Variants in DNAH12 observed in about 807,000 individuals in gnomAD.
DNAH12 encodes the protein axonemal beta dynein heavy chain 12.
In DNAH12, 285 loss-of-function variants were observed where a neutral mutation model predicts 371.5. The observed-to-expected ratio is 0.77, with a 90% CI of 0.70 to 0.85. DNAH12 has a LOEUF of 0.85. Ranked by LOEUF, DNAH12 falls within the 40% of genes least tolerant of loss-of-function variation. The pLI is 0.00. For synonymous variants in DNAH12, 1,200 were observed against 1,213.0 expected (o/e 0.99, Z 0.22); for missense variants, 3,611 against 3,689.4 (o/e 0.98, Z 0.55).
At chr3:57,505,629 C>T (rs932762295) in intron 8 of DNAH12, among the ~76,000 whole-genome samples, 7 of 151,808 alleles carry the variant, frequency 4.6e-5, no homozygotes, top group Non-Finnish European at 8.8e-5. Context: ...TTAGTAGAGA[C>T]AGGGTTTCAC....
intron 58 of DNAH12, among the ~76,000 whole-genome samples, chr3:57,360,202 T>G (rs1401251502): frequency 1.3e-5 from 2 of 152,040 alleles, no homozygotes; most frequent in Non-Finnish European, 2.9e-5. Context: ...CTACAGAATA[T>G]CTCAGCCATG....
At chr3:57,303,554 G>C (rs2061408085) in intron 69 of DNAH12, among the ~76,000 whole-genome samples, 1 of 151,844 alleles carries the variant, frequency 6.6e-6, no homozygotes, top group African/African-American at 2.4e-5. Context: ...TGAGACTACA[G>C]GTGCCCGCTA....
At chr3:57,373,613 C>T (rs969796823) in intron 55 of DNAH12, among the ~76,000 whole-genome samples, 15 of 151,866 alleles carry the variant, frequency 9.9e-5, no homozygotes, top group Non-Finnish European at 1.5e-4. Flanking sequence ...CGTGAGCCAC[C>T]GTGCCCAGCC....
At chr3:57,519,169 G>C (rs1375683325) in intron 4 of DNAH12, among the ~76,000 whole-genome samples, 2 of 152,094 alleles carry the variant, frequency 1.3e-5, no homozygotes, top group Admixed American at 1.3e-4. Flanking sequence ...AACATCTTTC[G>C]CGTGCTTATT....
At chr3:57,545,772 C>T (rs993851936), upstream of DNAH12, among the ~76,000 whole-genome samples, 1 of 152,104 alleles carries the variant, frequency 6.6e-6, no homozygotes, top group African/African-American at 2.4e-5. Flanking sequence ...GACATGCCCA[C>T]GGCTCCACAG....
At chr3:57,512,097 A>G (rs1369779988) in intron 4 of DNAH12, among the ~76,000 whole-genome samples, 1 of 152,138 alleles carries the variant, frequency 6.6e-6, no homozygotes, top group Admixed American at 6.6e-5. Context: ...TTTGCATAAC[A>G]AAAACAATTT....
intron 4 of DNAH12, among the ~76,000 whole-genome samples, chr3:57,520,943 A>T (rs1442423224): frequency 1.3e-5 from 2 of 151,626 alleles, no homozygotes; most frequent in South Asian, 2.1e-4. Flanking sequence ...ACTGAGTTTT[A>T]AAAAATTTTC....
intron 11 of DNAH12, among the ~76,000 whole-genome samples, chr3:57,497,628 T>C (rs1003160544): frequency 1.3e-5 from 2 of 152,228 alleles, no homozygotes; most frequent in Non-Finnish European, 2.9e-5. Flanking sequence ...GCTACAACTA[T>C]AAAACTTCTA....
At chr3:57,536,919 C>T (rs888944285) in intron 2 of DNAH12, among the ~76,000 whole-genome samples, 8 of 68,964 alleles carry the variant, frequency 1.2e-4, no homozygotes, top group African/African-American at 1.7e-4. Context: ...TGTATATTAG[C>T]GATTATAAAC....
rs1189250482 is a variant in DNAH12, at chr3:57,369,228, AAT to A, written c.8760-970_8760-969del. Among the ~76,000 whole-genome samples the A allele has an allele frequency of 3.0e-3, 394 of 131,692 alleles. 1 individual carries two copies. The highest frequency in any genetic ancestry group is 0.017 in the East Asian group (58 of 3,426). 86.4% of individuals were successfully genotyped at this position (131,692 alleles called of 152,430 possible). A position where few individuals can be genotyped will look rare whatever the true frequency, so the allele number is the denominator to read the frequency against. On this transcript the variant is annotated intron_variant, in intron 55 of 73. Coordinates refer to ENST00000495027, the MANE Select transcript of DNAH12 (RefSeq NM_001366028.2). ...AAGATTGAAACTCCATTAAAAAAAA[AAT>A]ATATATATATATATATATAAAACTG...
intron 43 of DNAH12, among the ~76,000 whole-genome samples, chr3:57,398,087 G>C (rs2063782230): frequency 6.6e-6 from 1 of 152,074 alleles, no homozygotes; most frequent in Non-Finnish European, 1.5e-5. Context: ...AATTAACAAA[G>C]ATATAGAAAC....
intron 25 of DNAH12, among the ~76,000 whole-genome samples, chr3:57,449,183 T>C (rs2065652467): frequency 6.6e-6 from 1 of 151,290 alleles, no homozygotes; most frequent in Admixed American, 6.6e-5. Flanking sequence ...TCACAAACCT[T>C]GAGCTAAACA....
At chr3:57,338,183 T>G (rs1291536901) in intron 60 of DNAH12, among the ~76,000 whole-genome samples, 1 of 152,176 alleles carries the variant, frequency 6.6e-6, no homozygotes, top group African/African-American at 2.4e-5. Context: ...TGACTGGTTT[T>G]TGTATTTTTG....
chr3:57,422,930 A>T (rs1559642057), intron 35 of DNAH12, among the ~76,000 whole-genome samples: 1 of 152,234 alleles, frequency 6.6e-6, no homozygotes, highest in Non-Finnish European at 1.5e-5. Flanking sequence ...ATTACAATAG[A>T]GAAACGATGC....
chr3:57,538,317 A>G (rs2069137130), intron 2 of DNAH12, among the ~76,000 whole-genome samples: 1 of 64,718 alleles, frequency 1.5e-5, no homozygotes. Context: ...TAATCTCAGT[A>G]TTAATACAGC....
intron 65 of DNAH12, 78 bp downstream of exon 65, chr3:57,322,265 A>G (rs866808330): frequency 4.4e-6 from 6 of 1,364,138 alleles, no homozygotes; most frequent in Middle Eastern, 1.9e-4. Flanking sequence ...TTACAAAAGC[A>G]TTATTAAACA....
At position 57,527,486 on chromosome 3, in the gene DNAH12, T is replaced by C. The variant is rs557271030; in HGVS notation, c.171-3602A>G. 8.5e-5 allele frequency among the ~76,000 whole-genome samples: 13 copies of C among 152,234 alleles called. No homozygotes were observed. The East Asian group carries it at 2.3e-3, about 27-fold the overall frequency. On this transcript the variant is annotated intron_variant, in intron 2 of 73. Transcript: ENST00000495027. ...TGGGGAGGCCTCAGGAAGCTTATAATCATGGTGGAAGGTGAAGGAAGAGCA... is the reference window on the plus strand; with the variant it reads ...TGGGGAGGCCTCAGGAAGCTTATAACCATGGTGGAAGGTGAAGGAAGAGCA...
At chr3:57,449,915 G>A (rs1455439379) in intron 25 of DNAH12, among the ~76,000 whole-genome samples, 1 of 152,212 alleles carries the variant, frequency 6.6e-6, no homozygotes, top group Admixed American at 6.5e-5. Context: ...CTCTCACTAG[G>A]AGACTTTTTC....
chr3:57,520,225 C>T (rs1227098498), intron 4 of DNAH12, among the ~76,000 whole-genome samples: 1 of 151,890 alleles, frequency 6.6e-6, no homozygotes, highest in Non-Finnish European at 1.5e-5. Flanking sequence ...CGATCTCCTG[C>T]CTCAGCACCC....
Sources: gnomAD v4.1 joint callset for allele counts (sites outside exome capture counted in the v4.1 genomes callset) on GRCh38, gnomAD v4.1.1 for gene constraint, MANE v1.5 for transcripts, NCBI Gene and HGNC (gene_info 2026-07-23, HGNC 2026-07-21) for gene names.